The following SMARCB1 variants were observed in gnomAD, a reference collection of about 807,000 sequenced individuals.
SMARCB1 encodes the protein SWI/SNF-related matrix-associated actin-dependent regulator of chromatin subfamily B member 1.
Under a neutral mutation model 49.0 loss-of-function variants are expected in SMARCB1, and 5 were observed. That is an observed-to-expected ratio of 0.10 (90% CI 0.05 to 0.21). The LOEUF (loss-of-function observed/expected upper bound fraction) is 0.21, where lower values mean the gene tolerates loss of function less well. SMARCB1 is among the 10% of genes least tolerant of loss of function. SMARCB1 has a pLI of 1.00. For synonymous variants in SMARCB1, 201 were observed against 200.1 expected (o/e 1.00, Z -0.04); for missense variants, 226 against 509.2 (o/e 0.44, Z 5.35).
chr22:23,823,700 C>T (rs1029327210), intron 6 of SMARCB1: 4 of 150,932 alleles, frequency 2.7e-5, no homozygotes, highest in Non-Finnish European at 6.0e-5. Context: ...AGGAGACTCT[C>T]GGGGGAGGAT....
chr22:23,837,565 C>A lies in SMARCB1; in HGVS notation c.*3385C>A. The A allele has an allele frequency of 7.5e-7, 1 of 1,329,446 alleles. No homozygotes were observed. The highest frequency in any genetic ancestry group is 1.0e-6 in the Non-Finnish European group (1 of 965,632). 82.4% of individuals were successfully genotyped at this position (1,329,446 alleles called of 1,614,324 possible). A position where few individuals can be genotyped will look rare whatever the true frequency, so the allele number is the denominator to read the frequency against. On this transcript the variant is annotated 3_prime_UTR_variant, in exon 9 of 9. Transcript: ENST00000644036. ...GATGGAGCCAGGTGTGAGGAGAACT[C>A]CAGCAAGGATGGGAGAGGGGCCCCA...
intron 5 of SMARCB1, among the ~76,000 whole-genome samples, chr22:23,809,136 T>C (rs1413181763): frequency 6.6e-6 from 1 of 151,624 alleles, no homozygotes; most frequent in Non-Finnish European, 1.5e-5. Context: ...CCCAGCCAAA[T>C]GATGGTAGAT....
In SMARCB1 at chr22:23,787,033, G is replaced by C; in HGVS notation, c.-137G>C. Reference sequence around the variant, plus strand: ...GCGGCGGCGGCGGCTGAGGAGCCCGGCTGAGGCGCCAGTACCCGGCCCGGT... The same window carrying C: ...GCGGCGGCGGCGGCTGAGGAGCCCGCCTGAGGCGCCAGTACCCGGCCCGGT... On this transcript the variant is annotated 5_prime_UTR_variant, in exon 1 of 9. Transcript: ENST00000644036. 1.8e-6 allele frequency: 1 copy of C among 570,422 alleles called. No individual in the cohort carries two copies. Among genetic ancestry groups the C allele is most frequent in the Non-Finnish European group, 3.1e-6 (1 of 325,934 alleles). 35.3% of individuals were successfully genotyped at this position (570,422 alleles called of 1,614,324 possible).
At chr22:23,826,459 T>G (rs554781200) in intron 7 of SMARCB1, among the ~76,000 whole-genome samples, 2 of 149,740 alleles carry the variant, frequency 1.3e-5, no homozygotes, top group East Asian at 3.9e-4. Context: ...GGTTGAACTC[T>G]CCCGGCTCAG....
Position 23,835,800 on chromosome 22 carries a change from G to C in SMARCB1, c.*1620G>C. 1.6e-5 allele frequency: 16 copies of C among 985,522 alleles called. No individual in the cohort carries two copies. The highest frequency in any genetic ancestry group is 1.9e-5 in the Non-Finnish European group (16 of 829,972). 61.0% of individuals were successfully genotyped at this position (985,522 alleles called of 1,614,324 possible). ...CAACTGGGGGGATGGAAGGAACCTT[G>C]GCTGCCTCACCCCACAGGTCGGGCA... On this transcript the variant is annotated 3_prime_UTR_variant, in exon 9 of 9. Transcript: ENST00000644036.
chr22:23,816,561 G>C lies in SMARCB1; in HGVS notation c.629-209G>C. 3 of 642,564 alleles carry C rather than the reference G, an allele frequency of 4.7e-6. No individual in the cohort carries two copies. In the South Asian group the frequency reaches 5.3e-5, roughly 11 times the overall value. The allele number at this position is 642,564 out of a possible 1,614,324, so 39.8% of individuals were successfully genotyped here. The stretch of plus-strand genomic sequence containing the variant: ...ATGACCACCCCCAGGGCATGGAGCA[G>C]GAGGTCTGTGCAGGATGAGGGCTGG... On this transcript the variant is annotated intron_variant, in intron 5 of 8. Transcript: ENST00000644036.
intron 5 of SMARCB1, among the ~76,000 whole-genome samples, chr22:23,805,778 T>A (rs968175985): frequency 5.9e-5 from 9 of 152,252 alleles, no homozygotes; most frequent in African/African-American, 2.2e-4. Flanking sequence ...GTGCTGGGAT[T>A]ACAGGCGTGA....
chr22:23,819,977 A>G (rs2029993932), intron 6 of SMARCB1, among the ~76,000 whole-genome samples: 1 of 151,990 alleles, frequency 6.6e-6, no homozygotes, highest in Non-Finnish European at 1.5e-5. Context: ...CTACAGGCGC[A>G]TGCCACCACG....
chr22:23,802,634 C>A (rs1412827828), intron 4 of SMARCB1: 1 of 164,814 alleles, frequency 6.1e-6, no homozygotes, highest in African/African-American at 2.4e-5. Context: ...TCACTGGGGG[C>A]CTTTCGCAGC....
chr22:23,827,828 G>C (rs573024129), intron 7 of SMARCB1, among the ~76,000 whole-genome samples: 10 of 152,106 alleles, frequency 6.6e-5, no homozygotes, highest in African/African-American at 2.4e-4. Context: ...ACTCCAACTC[G>C]CGTTCCCCCC....
chr22:23,807,998 C>G (rs1285570457), intron 5 of SMARCB1, among the ~76,000 whole-genome samples: 1 of 145,810 alleles, frequency 6.9e-6, no homozygotes, highest in Admixed American at 7.0e-5. Context: ...GTCTGTCGCT[C>G]AGGCTGGAGT....
At chr22:23,799,702 T>TTTTTTTA (rs1929020255) in intron 3 of SMARCB1, among the ~76,000 whole-genome samples, 1 of 86,936 alleles carries the variant, frequency 1.2e-5, no homozygotes, top group Admixed American at 1.4e-4. Context: ...TTTTTTTTTT[T>TTTTTTTA]GAGACGGAGT....
At chr22:23,825,609 T>C (rs2030343233) in intron 7 of SMARCB1, 194 bp downstream of exon 7, 1 of 600,600 alleles carries the variant, frequency 1.7e-6, no homozygotes, top group East Asian at 2.8e-5. Context: ...CCAGGTAGGG[T>C]TAGAAGCACC....
chr22:23,827,257 C>G (rs578206490), intron 7 of SMARCB1, among the ~76,000 whole-genome samples: 1 of 152,248 alleles, frequency 6.6e-6, no homozygotes, highest in Non-Finnish European at 1.5e-5. Context: ...GCAGCCGCTG[C>G]CAGTGCCCAC....
At chr22:23,830,880 C>G (rs1312747743) in intron 7 of SMARCB1, among the ~76,000 whole-genome samples, 1 of 152,014 alleles carries the variant, frequency 6.6e-6, no homozygotes, top group Non-Finnish European at 1.5e-5. Context: ...AGGATGGTCT[C>G]CATCTCTTGA....
At chr22:23,793,770 A>C (rs1335513717) in intron 3 of SMARCB1, 82 bp downstream of exon 3, 2 of 1,349,160 alleles carry the variant, frequency 1.5e-6, no homozygotes, top group African/African-American at 1.5e-5. Flanking sequence ...GGTTGAAGTT[A>C]AATTGAAACA....
At position 23,835,145 on chromosome 22, in the gene SMARCB1, TGACACGGTACAGGGAGGA is replaced by T. The variant is rs2030940732; in HGVS notation, c.*971_*988del. On this transcript the variant is annotated 3_prime_UTR_variant, in exon 9 of 9. Transcript: ENST00000644036. Reference sequence around the variant, plus strand: ...CCGGCCTGGTGCCAGCTCTTGGAGTTGACACGGTACAGGGAGGAGACACAGCCCAGGGTCCCTTCCCAG... The same window carrying T: ...CCGGCCTGGTGCCAGCTCTTGGAGTTGACACAGCCCAGGGTCCCTTCCCAG... The T allele has an allele frequency of 1.5e-6, 2 of 1,366,160 alleles. No individual in the cohort carries two copies. Among genetic ancestry groups the T allele is most frequent in the Non-Finnish European group, 1.9e-6 (2 of 1,062,744 alleles). The allele number at this position is 1,366,160 out of a possible 1,614,324, so 84.6% of individuals were successfully genotyped here.
Position 23,816,831 on chromosome 22 carries a change from G to A in SMARCB1, c.690G>A (p.Pro230=), listed in dbSNP as rs761800288. 23 of 1,613,802 alleles carry A rather than the reference G, an allele frequency of 1.4e-5. No homozygotes were observed. Among genetic ancestry groups the A allele is most frequent in the African/African-American group, 2.7e-5 (2 of 74,924 alleles). Residue 230 remains proline, a synonymous_variant, in exon 6 of 9, where the codon CCG becomes CCA. Coordinates refer to ENST00000644036, the MANE Select transcript of SMARCB1 (RefSeq NM_003073.5). ...EILCDDLDLN[P]LTFVPAIASA... Reference sequence around the variant, plus strand: ...TCTGTGACGATCTGGATTTGAACCCGCTGACGTTTGTGCCAGCCATCGCCT... The same window carrying A: ...TCTGTGACGATCTGGATTTGAACCCACTGACGTTTGTGCCAGCCATCGCCT...
chr22:23,791,845 G>A lies in SMARCB1; in HGVS notation c.183G>A (p.Lys61=). ...WRRLATVEER[K]KIVASSHGKK... ...GACTAGCCACTGTGGAAGAGAGGAAGAAAATAGTTGCATCGTCACATGGTA... is the reference window on the plus strand; with the variant it reads ...GACTAGCCACTGTGGAAGAGAGGAAAAAAATAGTTGCATCGTCACATGGTA... The change falls in exon 2 of 9, where the codon AAG becomes AAA. Residue 61 remains lysine, a synonymous_variant. Transcript: ENST00000644036. 1 of 1,614,102 alleles carries A rather than the reference G, an allele frequency of 6.2e-7. No individual in the cohort carries two copies.
Sources: gnomAD v4.1 joint callset for allele counts (sites outside exome capture counted in the v4.1 genomes callset) on GRCh38, gnomAD v4.1.1 for gene constraint, MANE v1.5 for transcripts, NCBI Gene and HGNC (gene_info 2026-07-23, HGNC 2026-07-21) for gene names.